AUTS2: variants seen among roughly 807,000 people sequenced by gnomAD.
AUTS2 encodes the protein activator of transcription and developmental regulator AUTS2, also known as autism susceptibility gene 2 protein.
Under a neutral mutation model 112.4 loss-of-function variants are expected in AUTS2, and 17 were observed. The ratio of observed to expected loss-of-function variants is 0.15; its 90% confidence interval spans 0.10 to 0.23. The LOEUF (loss-of-function observed/expected upper bound fraction) is 0.23, where lower values mean the gene tolerates loss of function less well. Ranked by LOEUF, AUTS2 falls within the 10% of genes least tolerant of loss-of-function variation. The probability of loss-of-function intolerance (pLI) is 1.00; values close to 1 mark genes in which losing one functional copy is unlikely to be tolerated. For synonymous variants in AUTS2, 751 were observed against 702.7 expected (o/e 1.07, Z -1.09); for missense variants, 1,510 against 1,701.6 (o/e 0.89, Z 1.98).
chr7:70,229,488 T>C (rs564226843), intron 4 of AUTS2, among the ~76,000 whole-genome samples: 1 of 152,290 alleles, frequency 6.6e-6, no homozygotes, highest in East Asian at 1.9e-4. Context: ...CTTGATACTT[T>C]CTAGATCTCC....
intron 1 of AUTS2, among the ~76,000 whole-genome samples, chr7:69,644,707 G>C (rs1794947416): frequency 6.6e-6 from 1 of 152,002 alleles, no homozygotes; most frequent in African/African-American, 2.4e-5. Context: ...GCACTTAATA[G>C]GCACTCAAGA....
chr7:70,375,313 T>C (rs1390968221), intron 4 of AUTS2, among the ~76,000 whole-genome samples: 1 of 152,194 alleles, frequency 6.6e-6, no homozygotes, highest in East Asian at 1.9e-4. Flanking sequence ...GTCATTGAAC[T>C]TTGGAGCCTC....
chr7:69,827,773 C>T (rs547859236), intron 1 of AUTS2, among the ~76,000 whole-genome samples: 13 of 152,334 alleles, frequency 8.5e-5, no homozygotes, highest in South Asian at 8.3e-4. Context: ...TGTACTTGAA[C>T]GGAGTCACTG....
rs1790045250 is a variant in AUTS2 at position 70,768,015 on chromosome 7, C to T, written c.1690-9C>T. 1 of 1,609,752 alleles carries T rather than the reference C, an allele frequency of 6.2e-7. No individual in the cohort carries two copies. Among genetic ancestry groups the T allele is most frequent in the Admixed American group, 1.7e-5 (1 of 58,852 alleles). ...TAAGTAACTAGCTTTTGCTTTGATC[C>T]CTTTACAGTTTGACAAATACCCTAC... is the stretch of plus-strand genomic sequence containing the variant. On this transcript the variant is annotated splice_polypyrimidine_tract_variant and intron_variant, in intron 9 of 18. Coordinates refer to ENST00000342771, the MANE Select transcript of AUTS2 (RefSeq NM_015570.4).
intron 5 of AUTS2, among the ~76,000 whole-genome samples, chr7:70,692,375 A>T (rs934966534): frequency 9.9e-5 from 15 of 152,222 alleles, no homozygotes; most frequent in Admixed American, 9.8e-4. Flanking sequence ...AAACTGTTCC[A>T]TTTTGATTGT....
intron 1 of AUTS2, among the ~76,000 whole-genome samples, chr7:69,714,345 C>T (rs954646512): frequency 2.6e-5 from 4 of 151,360 alleles, no homozygotes; most frequent in South Asian, 2.1e-4. Flanking sequence ...TAGGCTCAAT[C>T]GATCCTCCTG....
At chr7:70,772,091 A>G (rs183504320) in intron 11 of AUTS2, among the ~76,000 whole-genome samples, 20 of 152,268 alleles carry the variant, frequency 1.3e-4, no homozygotes, top group Admixed American at 1.2e-3. Flanking sequence ...ATTGTATCCT[A>G]TGAATTCTCA....
intron 5 of AUTS2, among the ~76,000 whole-genome samples, chr7:70,663,220 C>A (rs1252345972): frequency 6.6e-6 from 1 of 152,114 alleles, no homozygotes; most frequent in African/African-American, 2.4e-5. Context: ...CATGATGAAA[C>A]CCCGTCTCTA....
At chr7:70,070,569 CTG>C (rs1802712501) in intron 2 of AUTS2, among the ~76,000 whole-genome samples, 1 of 150,766 alleles carries the variant, frequency 6.6e-6, no homozygotes, top group Admixed American at 6.6e-5. Context: ...ATAAGCAAGA[CTG>C]TGTCTCAAAA....
chr7:70,189,028 A>G (rs1262745694), intron 4 of AUTS2, among the ~76,000 whole-genome samples: 1 of 152,214 alleles, frequency 6.6e-6, no homozygotes, highest in Non-Finnish European at 1.5e-5. Flanking sequence ...AAGAACAGCC[A>G]GAATTGCCCA....
intron 5 of AUTS2, among the ~76,000 whole-genome samples, chr7:70,559,622 CCA>C (rs1418232375): frequency 6.6e-6 from 1 of 152,166 alleles, no homozygotes; most frequent in Admixed American, 6.5e-5. Flanking sequence ...GTGTGAGCCA[CCA>C]CTCCCAGCCA....
chr7:69,636,510 C>T (rs1794547936), intron 1 of AUTS2, among the ~76,000 whole-genome samples: 1 of 138,420 alleles, frequency 7.2e-6, no homozygotes, highest in Non-Finnish European at 1.5e-5. Context: ...TCCCAAAGTG[C>T]TAGGATTACA....
At chr7:69,635,431 G>A (rs928758850) in intron 1 of AUTS2, among the ~76,000 whole-genome samples, 1 of 152,196 alleles carries the variant, frequency 6.6e-6, no homozygotes, top group Non-Finnish European at 1.5e-5. Flanking sequence ...GTTATACCTA[G>A]ACTGGTGATA....
intron 2 of AUTS2, among the ~76,000 whole-genome samples, chr7:70,052,063 G>A (rs1801779216): frequency 6.6e-6 from 1 of 152,180 alleles, no homozygotes; most frequent in African/African-American, 2.4e-5. Flanking sequence ...AATCAATTTA[G>A]AAAGAAATGG....
intron 4 of AUTS2, among the ~76,000 whole-genome samples, chr7:70,242,106 C>T (rs1812644826): frequency 2.0e-5 from 3 of 152,198 alleles, no homozygotes; most frequent in Admixed American, 6.6e-5. Flanking sequence ...TCTTACCAGA[C>T]ACAGTGGCAA....
At chr7:69,635,699 A>G (rs1246034563) in intron 1 of AUTS2, among the ~76,000 whole-genome samples, 2 of 152,218 alleles carry the variant, frequency 1.3e-5, no homozygotes, top group African/African-American at 2.4e-5. Flanking sequence ...TAAACTGGGA[A>G]AGGAGGAGGA....
chr7:70,586,928 T>C (rs879791847), intron 5 of AUTS2, among the ~76,000 whole-genome samples: 2 of 152,186 alleles, frequency 1.3e-5, no homozygotes, highest in African/African-American at 4.8e-5. Context: ...CAGTCTTGGG[T>C]TGATGTCTGT....
Position 70,727,313 on chromosome 7 carries a change from G to A in AUTS2, c.742+28693G>A, listed in dbSNP as rs575835844. ...AGCAAAAGGGACCACAGCCGTGTTT[G>A]TTAGAGCCCCAAATGCCTGTTTGCC... On this transcript the variant is annotated intron_variant, in intron 6 of 18. Transcript: ENST00000342771. Among the ~76,000 whole-genome samples, 17 of 152,310 alleles carry A rather than the reference G, an allele frequency of 1.1e-4. No individual in the cohort carries two copies. In the South Asian group the frequency reaches 3.3e-3, roughly 30 times the overall value.
At chr7:70,509,735 C>T (rs551608700) in intron 5 of AUTS2, among the ~76,000 whole-genome samples, 42 of 152,196 alleles carry the variant, frequency 2.8e-4, no homozygotes, top group African/African-American at 9.9e-4. Flanking sequence ...ACCAATGCAG[C>T]CATTTTACTC....
Sources: allele counts gnomAD v4.1 joint callset (sites outside exome capture counted in the v4.1 genomes callset), GRCh38; gene constraint gnomAD v4.1.1; transcripts MANE v1.5; gene names NCBI Gene and HGNC (gene_info 2026-07-23, HGNC 2026-07-21).